SDK1: variants seen among roughly 807,000 people sequenced by gnomAD.
The protein encoded by SDK1 is protein sidekick-1.
SDK1 carries 157 observed loss-of-function variants against 245.5 expected under a neutral mutation model. The observed-to-expected ratio is 0.64, with a 90% CI of 0.56 to 0.73. SDK1 has a LOEUF of 0.73. Ranked by LOEUF, SDK1 falls within the 30% of genes least tolerant of loss-of-function variation. The pLI is 0.00. For synonymous variants in SDK1, 1,647 were observed against 1,278.5 expected, an observed-to-expected ratio of 1.29 and a Z score of -6.15; for missense variants, 3,583 against 3,002.3, an observed-to-expected ratio of 1.19 and a Z score of -4.52.
intron 32 of SDK1, among the ~76,000 whole-genome samples, chr7:4,165,223 G>T (rs1190898159): frequency 6.6e-6 from 1 of 152,094 alleles, no homozygotes; most frequent in Non-Finnish European, 1.5e-5. Context: ...GCCGGGCGTG[G>T]TGATGGGCGC....
At chr7:3,451,990 CATA>C (rs1454950609) in intron 1 of SDK1, among the ~76,000 whole-genome samples, 1 of 152,162 alleles carries the variant, frequency 6.6e-6, no homozygotes, top group Non-Finnish European at 1.5e-5. Context: ...ATACAGAAAA[CATA>C]ATCTGTTCAG....
At chr7:3,333,569 C>T (rs906353932) in intron 1 of SDK1, among the ~76,000 whole-genome samples, 1 of 152,120 alleles carries the variant, frequency 6.6e-6, no homozygotes, top group Admixed American at 6.5e-5. Flanking sequence ...ATCTCTAACT[C>T]CTACATCAGA....
At chr7:3,834,769 C>T (rs1289031414) in intron 5 of SDK1, among the ~76,000 whole-genome samples, 1 of 152,160 alleles carries the variant, frequency 6.6e-6, no homozygotes, top group Admixed American at 6.5e-5. Context: ...CCGCAAGCCA[C>T]GGGAAGAGTG....
intron 1 of SDK1, among the ~76,000 whole-genome samples, chr7:3,477,360 G>A (rs1168579193): frequency 4.7e-5 from 7 of 149,360 alleles, no homozygotes; most frequent in Non-Finnish European, 7.4e-5. Context: ...CACACCTGGT[G>A]AATTTTTGTA....
At position 3,416,351 on chromosome 7, in the gene SDK1, C is replaced by A. The variant is rs11984344; in HGVS notation, c.298+114467C>A. On this transcript the variant is annotated intron_variant, in intron 1 of 44. Transcript: ENST00000404826. ...ACTGTGCTCCCGTTCTAGGGCCCTC[C>A]CTCCTTTCTCTTTATTAACTTCTCC... Among the ~76,000 whole-genome samples the A allele has an allele frequency of 8.1e-4, 123 of 152,194 alleles. 1 individual carries two copies. Among genetic ancestry groups the A allele is most frequent in the Middle Eastern group, 3.4e-3 (1 of 294 alleles).
intron 17 of SDK1, among the ~76,000 whole-genome samples, chr7:4,036,416 AC>A (rs1788222832): frequency 6.6e-6 from 1 of 152,310 alleles, no homozygotes; most frequent in African/African-American, 2.4e-5. Context: ...ATTTCTGTAG[AC>A]CTACATGGAT....
At chr7:3,589,517 A>G (rs1780794351) in intron 1 of SDK1, among the ~76,000 whole-genome samples, 1 of 152,246 alleles carries the variant, frequency 6.6e-6, no homozygotes, top group African/African-American at 2.4e-5. Flanking sequence ...TATTGCATGA[A>G]GAAATACCTG....
chr7:3,364,767 G>A (rs1307469188), intron 1 of SDK1, among the ~76,000 whole-genome samples: 2 of 151,822 alleles, frequency 1.3e-5, no homozygotes, highest in Non-Finnish European at 2.9e-5. Flanking sequence ...TAGTTCCTTT[G>A]TCTTTTCAGA....
chr7:3,843,112 C>T (rs1489535900), intron 5 of SDK1, among the ~76,000 whole-genome samples: 4 of 152,176 alleles, frequency 2.6e-5, no homozygotes, highest in Non-Finnish European at 5.9e-5. Flanking sequence ...CAGCACAGCT[C>T]TTTCTCGGGG....
chr7:3,720,759 A>T (rs1785343993), intron 4 of SDK1, among the ~76,000 whole-genome samples: 1 of 152,244 alleles, frequency 6.6e-6, no homozygotes, highest in South Asian at 2.1e-4. Flanking sequence ...CATATCTCAG[A>T]GAATGAAAAC....
chr7:3,336,664 A>G (rs1233545795), intron 1 of SDK1, among the ~76,000 whole-genome samples: 1 of 150,528 alleles, frequency 6.6e-6, no homozygotes, highest in African/African-American at 2.5e-5. Flanking sequence ...CTGCTCCTGG[A>G]TGCAGCAACA....
intron 4 of SDK1, among the ~76,000 whole-genome samples, chr7:3,678,499 C>T (rs150377066): frequency 6.6e-6 from 1 of 152,322 alleles, no homozygotes; most frequent in East Asian, 1.9e-4. Flanking sequence ...ACTAATCATT[C>T]ACTATGCTAA....
intron 1 of SDK1, among the ~76,000 whole-genome samples, chr7:3,461,654 T>C (rs1045849345): frequency 1.3e-5 from 2 of 152,092 alleles, no homozygotes; most frequent in Non-Finnish European, 2.9e-5. Flanking sequence ...ATCAAAACTT[T>C]CCCTTTTCCT....
At chr7:3,670,488 A>G (rs1209885990) in intron 4 of SDK1, among the ~76,000 whole-genome samples, 2 of 152,198 alleles carry the variant, frequency 1.3e-5, no homozygotes, top group Admixed American at 1.3e-4. Context: ...AAGTTCTTGA[A>G]CCTATGCATC....
chr7:3,408,644 C>G (rs984900806), intron 1 of SDK1, among the ~76,000 whole-genome samples: 4 of 152,078 alleles, frequency 2.6e-5, no homozygotes, highest in African/African-American at 9.7e-5. Context: ...TTTTTGGGCA[C>G]CTGTTTGTAT....
At chr7:3,744,819 C>G (rs149590557) in intron 4 of SDK1, among the ~76,000 whole-genome samples, 4,595 of 149,968 alleles carry the variant, frequency 0.031, 225 homozygotes, top group African/African-American at 0.11. Context: ...CTCAAAAAAA[C>G]AAACAAACAA....
intron 38 of SDK1, among the ~76,000 whole-genome samples, chr7:4,213,124 C>G (rs1205486555): frequency 6.6e-6 from 1 of 151,984 alleles, no homozygotes; most frequent in South Asian, 2.1e-4. Flanking sequence ...ACTGAAAATA[C>G]AAAAATTGGC....
intron 5 of SDK1, among the ~76,000 whole-genome samples, chr7:3,930,870 G>T (rs901420345): frequency 6.6e-6 from 1 of 152,136 alleles, no homozygotes; most frequent in Non-Finnish European, 1.5e-5. Context: ...AACAAGAAAA[G>T]ATATTTATAA....
intron 13 of SDK1, among the ~76,000 whole-genome samples, chr7:3,985,739 G>A (rs1194912842): frequency 2.0e-5 from 3 of 152,200 alleles, no homozygotes; most frequent in Non-Finnish European, 2.9e-5. Flanking sequence ...TCGCACTAAT[G>A]TACAATGTAG....
Sources: allele counts gnomAD v4.1 joint callset (sites outside exome capture counted in the v4.1 genomes callset), GRCh38; gene constraint gnomAD v4.1.1; transcripts MANE v1.5; gene names NCBI Gene and HGNC (gene_info 2026-07-23, HGNC 2026-07-21).